MPDZ: variants seen among roughly 807,000 people sequenced by gnomAD.
MPDZ encodes the protein multiple PDZ domain protein.
A neutral mutation model predicts 239.1 loss-of-function variants in MPDZ; 234 were observed. The observed-to-expected ratio is 0.98, with a 90% CI of 0.88 to 1.09. MPDZ has a LOEUF of 1.09. MPDZ is among the 50% of genes least tolerant of loss of function. The probability of loss-of-function intolerance (pLI) is 0.00; values close to 1 mark genes in which losing one functional copy is unlikely to be tolerated. For synonymous variants in MPDZ, 1,048 were observed against 881.3 expected (o/e 1.19, Z -3.35); for missense variants, 3,175 against 2,510.0 (o/e 1.26, Z -5.66).
intron 4 of MPDZ, among the ~76,000 whole-genome samples, 153 bp from the exon 5 acceptor site, chr9:13,223,863 CT>C (rs1375121119): frequency 6.6e-6 from 1 of 151,924 alleles, no homozygotes; most frequent in African/African-American, 2.4e-5. Context: ...GTGACCCCAT[CT>C]CTATAAAAAA....
chr9:13,272,196 T>C (rs955001532), intron 1 of MPDZ, among the ~76,000 whole-genome samples: 21 of 152,116 alleles, frequency 1.4e-4, no homozygotes, highest in Non-Finnish European at 2.6e-4. Flanking sequence ...AATAAAACAG[T>C]TAAACACTCC....
Position 13,217,279 on chromosome 9 carries a change from G to C in MPDZ, c.1102C>G (p.Gln368Glu), listed in dbSNP as rs866606522. The part of the protein sequence containing the change: ...TPELRVDAST[Q>E]KGEESETFDV... ...AATGTCTCACTTTCTTCACCTTTCT[G>C]AGTAGAAGCATCAACCTAAAATAAA... is the stretch of plus-strand genomic sequence containing the variant. Residue 368 changes from glutamine to glutamate, a missense_variant, in exon 9 of 47, where the codon CAG (glutamine) becomes GAG (glutamate). Transcript: ENST00000319217. The C allele has an allele frequency of 6.3e-7, 1 of 1,591,848 alleles. No homozygotes were observed. Among genetic ancestry groups the C allele is most frequent in the African/African-American group, 1.3e-5 (1 of 74,410 alleles).
At chr9:13,269,822 T>A (rs979195623) in intron 1 of MPDZ, among the ~76,000 whole-genome samples, 19 of 152,146 alleles carry the variant, frequency 1.2e-4, no homozygotes, top group African/African-American at 4.6e-4. Flanking sequence ...ACAATTTACA[T>A]CTTGCTGGCA....
At chr9:13,168,213 A>G (rs747568214) in intron 22 of MPDZ, among the ~76,000 whole-genome samples, 153 bp downstream of exon 22, 48 of 152,150 alleles carry the variant, frequency 3.2e-4, no homozygotes, top group Non-Finnish European at 8.8e-5. Flanking sequence ...ACAATCGAGA[A>G]CTACTCAAAA....
At position 13,189,011 on chromosome 9, in the gene MPDZ, G is replaced by T; in HGVS notation, c.2155-18C>A. 6.2e-7 allele frequency: 1 copy of T among 1,602,070 alleles called. No individual in the cohort carries two copies. Among genetic ancestry groups the T allele is most frequent in the Non-Finnish European group, 8.5e-7 (1 of 1,171,910 alleles). On this transcript the variant is annotated intron_variant, in intron 16 of 46. Transcript: ENST00000319217. Reference sequence around the variant, plus strand: ...ATTGGATCCTGACAGAAGGCAAAAGGAAAGAGTCAGCTCATTTTACAAAGA... The same window carrying T: ...ATTGGATCCTGACAGAAGGCAAAAGTAAAGAGTCAGCTCATTTTACAAAGA...
rs949674044 is a variant in MPDZ at position 13,271,084 on chromosome 9, T to A, written c.-58+8316A>T. On this transcript the variant is annotated intron_variant, in intron 1 of 46. Transcript: ENST00000319217. ...AAAAGTTTATGGAAAGCCTCAATAA[T>A]CTCCTGACTTTTTACTTAATCATCT... Among the ~76,000 whole-genome samples, 9 of 152,200 alleles carry A rather than the reference T, an allele frequency of 5.9e-5. No homozygotes were observed. In the South Asian group the frequency reaches 1.9e-3, roughly 32 times the overall value.
intron 21 of MPDZ, among the ~76,000 whole-genome samples, chr9:13,170,305 C>T (rs2133962462): frequency 6.6e-6 from 1 of 152,112 alleles, no homozygotes; most frequent in South Asian, 2.1e-4. Flanking sequence ...TGTTTCTAGC[C>T]TAATATTTCA....
At position 13,223,840 on chromosome 9, in the gene MPDZ, T is replaced by A; in HGVS notation, c.394-130A>T. On this transcript the variant is annotated intron_variant, in intron 4 of 46. Transcript: ENST00000319217. The stretch of plus-strand genomic sequence containing the variant: ...TGAAGCCAGGAGTTAGGGACCAGAC[T>A]GGGCTACATAATGTGACCCCATCTC... 3.3e-6 allele frequency: 3 copies of A among 902,184 alleles called. No homozygotes were observed. In the South Asian group the frequency reaches 6.5e-5, roughly 19 times the overall value. The allele number at this position is 902,184 out of a possible 1,614,324, so 55.9% of individuals were successfully genotyped here.
intron 41 of MPDZ, 105 bp downstream of exon 41, chr9:13,113,826 T>A: frequency 2.3e-6 from 2 of 854,380 alleles, no homozygotes; most frequent in Non-Finnish European, 3.7e-6. Context: ...TATATTTGGA[T>A]ATGGGATGAT....
rs764164095 is a variant in MPDZ at position 13,123,272 on chromosome 9, T to C, written c.4834A>G (p.Ile1612Val). Residue 1612 changes from isoleucine to valine, a missense_variant, in exon 36 of 47, where the codon ATT becomes GTT. Physicochemically the swap from Ile to Val is conservative, Grantham distance 29. Coordinates refer to ENST00000319217, the MANE Select transcript of MPDZ (RefSeq NM_001378778.1). ...RNTSRSSTPAIFASDPATCPI... is the reference protein window; with the variant it reads ...RNTSRSSTPAVFASDPATCPI... ...CAGGTTGCAGGATCAGAAGCAAAAA[T>C]TGCTGGTGTTGATGATCTGCTTGTA... is the stretch of plus-strand genomic sequence containing the variant. 25 of 1,612,052 alleles carry C rather than the reference T, an allele frequency of 1.6e-5. 1 individual carries two copies. Among genetic ancestry groups the C allele is most frequent in the South Asian group, 4.4e-5 (4 of 90,650 alleles).
rs144299341 is a variant in MPDZ at position 13,244,286 on chromosome 9, C to T, written c.183+3349G>A. On this transcript the variant is annotated intron_variant, in intron 3 of 46. Coordinates refer to ENST00000319217, the MANE Select transcript of MPDZ (RefSeq NM_001378778.1). ...CAAGTTTCTATTATTAAACTGCTAACGTGTTTATTTCCCCCACAATAGCTG... is the reference window on the plus strand; with the variant it reads ...CAAGTTTCTATTATTAAACTGCTAATGTGTTTATTTCCCCCACAATAGCTG... 1.0e-3 allele frequency among the ~76,000 whole-genome samples: 156 copies of T among 152,250 alleles called. 2 individuals carry two copies. Among genetic ancestry groups the T allele is most frequent in the African/African-American group, 3.7e-3 (152 of 41,566 alleles).
At chr9:13,155,665 C>T (rs1949729947) in intron 24 of MPDZ, among the ~76,000 whole-genome samples, 2 of 152,054 alleles carry the variant, frequency 1.3e-5, no homozygotes, top group African/African-American at 4.8e-5. Context: ...TTATATTTTG[C>T]TAAAAATTCT....
intron 3 of MPDZ, among the ~76,000 whole-genome samples, chr9:13,232,418 A>G (rs1962758270): frequency 6.6e-6 from 1 of 152,180 alleles, no homozygotes; most frequent in African/African-American, 2.4e-5. Flanking sequence ...TGACAATGCA[A>G]GGGAGAAAGG....
chr9:13,272,069 G>A (rs948470030), intron 1 of MPDZ, among the ~76,000 whole-genome samples: 2 of 152,056 alleles, frequency 1.3e-5, no homozygotes, highest in African/African-American at 4.8e-5. Context: ...TTGATTGTGG[G>A]GGATAGCTTC....
chr9:13,209,758 C>A (rs939246179), intron 10 of MPDZ, among the ~76,000 whole-genome samples: 1 of 150,894 alleles, frequency 6.6e-6, no homozygotes, highest in Admixed American at 6.6e-5. Flanking sequence ...ATCTACCCCC[C>A]AAAAAAAAGA....
intron 32 of MPDZ, among the ~76,000 whole-genome samples, chr9:13,132,897 A>G (rs564670831): frequency 3.3e-5 from 5 of 152,296 alleles, no homozygotes; most frequent in South Asian, 4.1e-4. Context: ...CCCTTTATCC[A>G]TCTAACATGT....
rs1958484105 is a variant in MPDZ at position 13,217,352 on chromosome 9, A to AC, written c.1087-59_1087-58insG. The AC allele has an allele frequency of 1.5e-5, 17 of 1,110,380 alleles. No homozygotes were observed. The South Asian group carries it at 2.4e-4, about 16-fold the overall frequency. The allele number at this position is 1,110,380 out of a possible 1,614,324, so 68.8% of individuals were successfully genotyped here. On this transcript the variant is annotated intron_variant, in intron 8 of 46. Coordinates refer to ENST00000319217, the MANE Select transcript of MPDZ (RefSeq NM_001378778.1). The stretch of plus-strand genomic sequence containing the variant: ...AATACGTAAAAAAAACAAAAAACAA[A>AC]AAACAAACAAACAAACAAAAAAACC...
In MPDZ at chr9:13,125,297, C is replaced by G; in HGVS notation, c.4726G>C (p.Ala1576Pro). 6.2e-7 allele frequency: 1 copy of G among 1,613,846 alleles called. No homozygotes were observed. The highest frequency in any genetic ancestry group is 8.5e-7 in the Non-Finnish European group (1 of 1,179,724). Residue 1576 changes from alanine (A) to proline (P), a missense_variant, in exon 35 of 47, where the codon GCA becomes CCA. Coordinates refer to ENST00000319217, the MANE Select transcript of MPDZ (RefSeq NM_001378778.1). The part of the protein sequence containing the change: ...DSQAVPSAAG[A>P]ASGEKKNSSQ... The stretch of plus-strand genomic sequence containing the variant: ...CTGTTCTTTTTTTCTCCACTGGCTG[C>G]ACCAGCTGCTGAAGGAACAGCCTGG...
chr9:13,276,965 A>C (rs1974346899), intron 1 of MPDZ, among the ~76,000 whole-genome samples: 1 of 152,250 alleles, frequency 6.6e-6, no homozygotes, highest in Admixed American at 6.5e-5. Flanking sequence ...GTTAAAAACT[A>C]AAAGTGGCCA....
Sources: allele counts gnomAD v4.1 joint callset (sites outside exome capture counted in the v4.1 genomes callset), GRCh38; gene constraint gnomAD v4.1.1; transcripts MANE v1.5; gene names NCBI Gene and HGNC (gene_info 2026-07-23, HGNC 2026-07-21).